Variants in FN3KRP observed in about 807,000 individuals in gnomAD.
FN3KRP encodes ketosamine-3-kinase.
A neutral mutation model predicts 29.8 loss-of-function variants in FN3KRP; 33 were observed. The observed-to-expected ratio is 1.11, with a 90% confidence interval of 0.84 to 1.48. The LOEUF is 1.48. Among genes scored for constraint, FN3KRP ranks in the 40% most tolerant of loss-of-function variants. FN3KRP has a pLI of 0.00. For missense variants in FN3KRP, 430 were observed against 402.6 expected, an observed-to-expected ratio of 1.07 and a Z score of -0.58; for synonymous variants, 157 against 155.2, an observed-to-expected ratio of 1.01 and a Z score of -0.09.
chr17:82,720,461 C>T (rs545758821), intron 3 of FN3KRP, 98 bp downstream of exon 3: 12 of 879,502 alleles, frequency 1.4e-5, no homozygotes, highest in African/African-American at 1.0e-4. Flanking sequence ...GTGGGAGGGT[C>T]GGACGTGGGC....
intron 1 of FN3KRP, 58 bp from the exon 2 acceptor site, chr17:82,718,848 C>T: frequency 1.9e-6 from 3 of 1,579,726 alleles, no homozygotes; most frequent in Non-Finnish European, 2.6e-6. Flanking sequence ...TCTACAGAAC[C>T]TTCCGGAAGT....
intron 4 of FN3KRP, among the ~76,000 whole-genome samples, chr17:82,726,024 A>G (rs1490166045): frequency 6.6e-6 from 1 of 151,676 alleles, no homozygotes; most frequent in Non-Finnish European, 1.5e-5. Flanking sequence ...CTAAAAATAC[A>G]AAAAAATTAG....
At chr17:82,717,697 G>A (rs1465236674) in intron 1 of FN3KRP, among the ~76,000 whole-genome samples, 1 of 152,170 alleles carries the variant, frequency 6.6e-6, no homozygotes, top group African/African-American at 2.4e-5. Flanking sequence ...CCAGCCTGCT[G>A]GGTGACTGAA....
chr17:82,716,785 C>T lies in FN3KRP; in HGVS notation c.30C>T (p.Gly10=), dbSNP rs555164597. 2.5e-4 allele frequency: 390 copies of T among 1,540,960 alleles called. 4 individuals carry two copies. In the South Asian group the frequency reaches 4.5e-3, roughly 18 times the overall value. Reference sequence around the variant, plus strand: ...AGGAGCTCCTGAGGCGCGAGCTGGGCTGCAGCTCTGTCAGGGCCACGGGCC... The same window carrying T: ...AGGAGCTCCTGAGGCGCGAGCTGGGTTGCAGCTCTGTCAGGGCCACGGGCC... MEELLRREL[G]CSSVRATGHS... The change falls in exon 1 of 6, where the codon GGC becomes GGT. Residue 10 remains glycine (G), a synonymous_variant. Transcript: ENST00000269373.
At chr17:82,726,623 T>A in intron 5 of FN3KRP, 21 bp downstream of exon 5, 1 of 1,601,278 alleles carries the variant, frequency 6.2e-7, no homozygotes, top group Non-Finnish European at 8.5e-7. Context: ...CCCCACTGCA[T>A]GCCCAGCACC....
At chr17:82,725,824 A>G (rs2046832673) in intron 4 of FN3KRP, among the ~76,000 whole-genome samples, 1 of 152,202 alleles carries the variant, frequency 6.6e-6, no homozygotes, top group South Asian at 2.1e-4. Context: ...CACTGGGTGA[A>G]GTCCTGGTGC....
intron 4 of FN3KRP, among the ~76,000 whole-genome samples, chr17:82,725,813 G>T (rs988814513): frequency 6.6e-6 from 1 of 152,228 alleles, no homozygotes; most frequent in Non-Finnish European, 1.5e-5. Flanking sequence ...ATCCAGAGGA[G>T]CACTGGGTGA....
intron 5 of FN3KRP, 79 bp from the exon 6 acceptor site, chr17:82,726,753 TG>T: frequency 2.0e-6 from 3 of 1,486,286 alleles, no homozygotes; most frequent in Non-Finnish European, 2.7e-6. Flanking sequence ...CTGCCTGGGC[TG>T]GGGGCGGTGG....
At chr17:82,721,847 T>G (rs1404545478) in intron 3 of FN3KRP, among the ~76,000 whole-genome samples, 1 of 151,308 alleles carries the variant, frequency 6.6e-6, no homozygotes, top group Non-Finnish European at 1.5e-5. Context: ...TGTTTTGTTT[T>G]TTTTGAAATG....
intron 4 of FN3KRP, among the ~76,000 whole-genome samples, chr17:82,724,112 G>A (rs930866020): frequency 6.6e-6 from 1 of 151,624 alleles, no homozygotes; most frequent in South Asian, 2.1e-4. Flanking sequence ...GGCCAACATG[G>A]TGAAACCCTC....
At chr17:82,721,745 A>G (rs756041349) in intron 3 of FN3KRP, among the ~76,000 whole-genome samples, 4 of 151,902 alleles carry the variant, frequency 2.6e-5, no homozygotes, top group Non-Finnish European at 2.9e-5. Context: ...CTCGTGATCC[A>G]CCTGCCTCGG....
intron 4 of FN3KRP, among the ~76,000 whole-genome samples, chr17:82,723,395 A>G (rs1489189332): frequency 6.8e-6 from 1 of 147,702 alleles, no homozygotes; most frequent in Non-Finnish European, 1.5e-5. Context: ...TTGTTCAGAA[A>G]CCTGCTTAGG....
At chr17:82,724,250 C>T (rs2046821385) in intron 4 of FN3KRP, among the ~76,000 whole-genome samples, 1 of 152,076 alleles carries the variant, frequency 6.6e-6, no homozygotes, top group Admixed American at 6.6e-5. Context: ...GCTGTGATTG[C>T]ACCACTGCAC....
intron 3 of FN3KRP, chr17:82,720,690 C>G: frequency 4.7e-6 from 1 of 211,702 alleles, no homozygotes; most frequent in African/African-American, 2.3e-5. Flanking sequence ...GACCTTTAAC[C>G]CAGGGTCTGT....
At chr17:82,723,269 G>A (rs113900959) in intron 4 of FN3KRP, among the ~76,000 whole-genome samples, 2 of 152,214 alleles carry the variant, frequency 1.3e-5, no homozygotes, top group Non-Finnish European at 1.5e-5. Flanking sequence ...CAGCACATGT[G>A]CAGTGGACAG....
chr17:82,719,653 G>A lies in FN3KRP; in HGVS notation c.293+596G>A, dbSNP rs549049182. 2.6e-5 allele frequency among the ~76,000 whole-genome samples: 4 copies of A among 152,328 alleles called. No homozygotes were observed. The South Asian group carries it at 8.3e-4, about 32-fold the overall frequency. On this transcript the variant is annotated intron_variant, in intron 2 of 5. Coordinates refer to ENST00000269373, the MANE Select transcript of FN3KRP (RefSeq NM_024619.4). ...GCCTCTAATTCCAGCTACTCGGGAG[G>A]CTGAGGCAGGAGAATCACTTGAACG... is the stretch of plus-strand genomic sequence containing the variant.
At position 82,718,978 on chromosome 17, in the gene FN3KRP, A is replaced by C. The variant is rs1334470536; in HGVS notation, c.214A>C (p.Lys72Gln). The change falls in exon 2 of 6, where the codon AAG becomes CAG. Residue 72 changes from lysine to glutamine, a missense_variant. Transcript: ENST00000269373. ...GAAAACAAACACGGTGAAAGTGCCCAAGCCCATCAAGGTTCTGGATGCCCC... is the reference window on the plus strand; with the variant it reads ...GAAAACAAACACGGTGAAAGTGCCCCAGCCCATCAAGGTTCTGGATGCCCC... ...ILKTNTVKVPKPIKVLDAPGG... is the reference protein window; with the variant it reads ...ILKTNTVKVPQPIKVLDAPGG... 2.5e-6 allele frequency: 4 copies of C among 1,614,094 alleles called. No individual in the cohort carries two copies. The African/African-American group carries it at 5.3e-5, about 22-fold the overall frequency.
intron 5 of FN3KRP, 41 bp downstream of exon 5, chr17:82,726,643 C>A (rs762596850): frequency 2.3e-5 from 37 of 1,582,910 alleles, no homozygotes; most frequent in Non-Finnish European, 3.1e-5. Context: ...CTGCCACACA[C>A]CCCACTTGCC....
chr17:82,725,347 G>T (rs1188987645), intron 4 of FN3KRP, among the ~76,000 whole-genome samples: 1 of 151,882 alleles, frequency 6.6e-6, no homozygotes, highest in African/African-American at 2.4e-5. Context: ...GCCCAGGCTG[G>T]TCTCAAACTC....
Sources: allele counts gnomAD v4.1 joint callset (sites outside exome capture counted in the v4.1 genomes callset), GRCh38; gene constraint gnomAD v4.1.1; transcripts MANE v1.5; gene names NCBI Gene and HGNC (gene_info 2026-07-23, HGNC 2026-07-21).